The following NFASC variants were observed in gnomAD, a reference collection of about 807,000 sequenced individuals.
NFASC encodes the protein neurofascin homolog.
A neutral mutation model predicts 147.5 loss-of-function variants in NFASC; 43 were observed. The observed-to-expected ratio is 0.29, with a 90% confidence interval of 0.23 to 0.38. The LOEUF is 0.38. Ranked by LOEUF, NFASC falls within the 10% of genes least tolerant of loss-of-function variation. NFASC has a pLI of 1.00. For missense variants in NFASC, 1,320 were observed against 1,689.0 expected, an observed-to-expected ratio of 0.78 and a Z score of 3.83; for synonymous variants, 622 against 665.5, an observed-to-expected ratio of 0.93 and a Z score of 1.01.
chr1:204,873,698 G>A (rs1392493763), intron 1 of NFASC, among the ~76,000 whole-genome samples: 1 of 152,202 alleles, frequency 6.6e-6, no homozygotes, highest in Non-Finnish European at 1.5e-5. Context: ...CAATGAAGAA[G>A]CCAGAGAAAA....
At position 204,979,179 on chromosome 1, in the gene NFASC, C is replaced by G. The variant is rs1451873109; in HGVS notation, c.1978+110C>G. 1 of 1,017,134 alleles carries G rather than the reference C, an allele frequency of 9.8e-7. No individual in the cohort carries two copies. The highest frequency in any genetic ancestry group is 1.6e-5 in the African/African-American group (1 of 62,506). 63.0% of individuals were successfully genotyped at this position (1,017,134 alleles called of 1,614,324 possible). ...ACTTCTGCCTCGCTTGATGTGTGTC[C>G]TGGGCTAACCTCAGAATGTACAGAG... is the stretch of plus-strand genomic sequence containing the variant. On this transcript the variant is annotated intron_variant, in intron 18 of 29. Coordinates refer to ENST00000339876, the MANE Select transcript of NFASC (RefSeq NM_001005388.3). The surrounding 1 kb of genome is among the most constrained non-coding windows in gnomAD (Gnocchi z 6.0).
chr1:204,870,681 G>C, intron 1 of NFASC: 1 of 1,081,022 alleles, frequency 9.3e-7, no homozygotes, highest in Non-Finnish European at 1.1e-6. Context: ...GAGCGAGTGA[G>C]CAAGCCGGCC....
In NFASC at chr1:204,957,771, C is replaced by T. The variant is rs1464992369; in HGVS notation, c.651C>T (p.Phe217=). ...MQTDYSCNAR[F]HFTHTIQQKN... ...CCGACTACAGTTGTAACGCCCGCTT[C>T]CACTTCACCCACACCATCCAGCAGA... is the stretch of plus-strand genomic sequence containing the variant. The change falls in exon 8 of 30, where the codon TTC becomes TTT. Residue 217 remains phenylalanine, a synonymous_variant. Coordinates refer to ENST00000339876, the MANE Select transcript of NFASC (RefSeq NM_001005388.3). The T allele has an allele frequency of 6.2e-7, 1 of 1,614,180 alleles. No homozygotes were observed. Among genetic ancestry groups the T allele is most frequent in the Non-Finnish European group, 8.5e-7 (1 of 1,180,036 alleles).
chr1:204,897,563 C>T, intron 1 of NFASC, among the ~76,000 whole-genome samples: 1 of 151,498 alleles, frequency 6.6e-6, no homozygotes, highest in East Asian at 1.9e-4. Context: ...AATTCTAAAG[C>T]TTATTTTCTT....
At chr1:205,013,476 G>A (rs568354580) in intron 29 of NFASC, among the ~76,000 whole-genome samples, 13 of 152,300 alleles carry the variant, frequency 8.5e-5, no homozygotes, top group Admixed American at 1.3e-4. Flanking sequence ...ACCAGGAAGC[G>A]AATTGTCTAA....
intron 2 of NFASC, among the ~76,000 whole-genome samples, chr1:204,930,407 C>T (rs570470212): frequency 4.6e-5 from 7 of 152,232 alleles, no homozygotes; most frequent in East Asian, 1.9e-4. Flanking sequence ...AGATCTATCC[C>T]GTGTTATAGC....
intron 29 of NFASC, among the ~76,000 whole-genome samples, chr1:205,013,551 C>T (rs192105540): frequency 2.1e-4 from 32 of 152,316 alleles, no homozygotes; most frequent in Admixed American, 5.9e-4. Context: ...TCCCGCATTT[C>T]CAGCTGGTGC....
At chr1:204,907,633 C>T (rs867260053) in intron 1 of NFASC, among the ~76,000 whole-genome samples, 1 of 152,228 alleles carries the variant, frequency 6.6e-6, no homozygotes, top group South Asian at 2.1e-4. Flanking sequence ...AGAGTGCTTA[C>T]ATCTGTTTTG....
At chr1:204,831,051 G>A (rs1672091779) in intron 1 of NFASC, among the ~76,000 whole-genome samples, 1 of 152,024 alleles carries the variant, frequency 6.6e-6, no homozygotes. Context: ...AGTGCCTAAG[G>A]GCTGCCAGCT....
chr1:205,012,067 CAT>C (rs1159755009), intron 28 of NFASC, among the ~76,000 whole-genome samples: 1 of 152,184 alleles, frequency 6.6e-6, no homozygotes, highest in African/African-American at 2.4e-5. Flanking sequence ...AAAAAAGATA[CAT>C]AAAGAGGTTT....
rs2094033696 is a variant in NFASC at position 204,950,563 on chromosome 1, T to C, written c.98T>C (p.Ile33Thr). ...GAIEIPMDPS[I>T]QNELTQPPTI... ...AACCCGTCGGAACTAACAGCAAGCA[T>C]TCAGAATGAGCGTAAGTGCCCTGTG... Residue 33 changes from isoleucine (I) to threonine (T), a missense_variant, in exon 4 of 30, where the codon ATT becomes ACT. Coordinates refer to ENST00000339876, the MANE Select transcript of NFASC (RefSeq NM_001005388.3). The C allele has an allele frequency of 6.2e-7, 1 of 1,612,676 alleles. No individual in the cohort carries two copies. Among genetic ancestry groups the C allele is most frequent in the African/African-American group, 1.3e-5 (1 of 74,906 alleles).
intron 1 of NFASC, among the ~76,000 whole-genome samples, chr1:204,889,964 G>C (rs2082064568): frequency 1.3e-5 from 2 of 152,182 alleles, no homozygotes; most frequent in African/African-American, 2.4e-5. Flanking sequence ...CTTTCCTGCT[G>C]TTCTGTGTGT....
chr1:204,908,340 T>C (rs1262963423), intron 1 of NFASC, among the ~76,000 whole-genome samples: 1 of 151,646 alleles, frequency 6.6e-6, no homozygotes, highest in Non-Finnish European at 1.5e-5. Flanking sequence ...TGGTAGTAGA[T>C]TTTTTTTTCC....
chr1:204,988,965 G>C, intron 23 of NFASC, 159 bp downstream of exon 23: 1 of 668,276 alleles, frequency 1.5e-6, no homozygotes, highest in Non-Finnish European at 2.6e-6. Context: ...ATGTGTGAGA[G>C]GTAGGTGCTG....
chr1:204,945,928 T>G (rs1247041524), intron 3 of NFASC, among the ~76,000 whole-genome samples: 1 of 152,228 alleles, frequency 6.6e-6, no homozygotes, highest in Non-Finnish European at 1.5e-5. Flanking sequence ...CCTGCTGCTT[T>G]GATCCCCAGG....
chr1:205,009,419 C>T, intron 27 of NFASC, 138 bp from the exon 28 acceptor site: 1 of 923,274 alleles, frequency 1.1e-6, no homozygotes, highest in Non-Finnish European at 1.8e-6. Flanking sequence ...TAGTTTGGGC[C>T]AGGGGGCTGC....
intron 21 of NFASC, among the ~76,000 whole-genome samples, chr1:204,983,238 G>A (rs2095542790): frequency 6.6e-6 from 1 of 152,218 alleles, no homozygotes; most frequent in South Asian, 2.1e-4. Context: ...ACAAGAATCA[G>A]TTATGGGGGA....
At chr1:204,892,219 C>T (rs1332462351) in intron 1 of NFASC, among the ~76,000 whole-genome samples, 1 of 152,198 alleles carries the variant, frequency 6.6e-6, no homozygotes, top group East Asian at 1.9e-4. Flanking sequence ...CTTTATCCAC[C>T]TTGAATAGTT....
In NFASC at chr1:204,997,302, C is replaced by G. The variant is rs753527310; in HGVS notation, c.2915C>G (p.Ala972Gly). The G allele has an allele frequency of 2.5e-6, 4 of 1,589,418 alleles. No homozygotes were observed. Among genetic ancestry groups the G allele is most frequent in the Non-Finnish European group, 3.4e-6 (4 of 1,166,878 alleles). The change falls in exon 25 of 30, where the codon GCC becomes GGC. Residue 972 changes from alanine to glycine, a missense_variant. By Grantham distance (60) the Ala-to-Gly change is moderately conservative (BLOSUM62 0). Coordinates refer to ENST00000339876, the MANE Select transcript of NFASC (RefSeq NM_001005388.3). ...IIPTVAPTTI[A>G]TTTTVATTTT... ...CCAACTGTCGCACCTACCACCATCG[C>G]CACCACCACCACCGTCGCCACAACT...
Sources: allele counts gnomAD v4.1 joint callset (sites outside exome capture counted in the v4.1 genomes callset), GRCh38; gene constraint gnomAD v4.1.1; non-coding constraint Gnocchi (gnomAD v3.1); transcripts MANE v1.5; gene names NCBI Gene and HGNC (gene_info 2026-07-23, HGNC 2026-07-21).